GIPC2: variants seen among roughly 807,000 people sequenced by gnomAD.
The protein encoded by GIPC2 is PDZ domain-containing protein GIPC2.
Under a neutral mutation model 30.6 loss-of-function variants are expected in GIPC2, and 30 were observed. The observed-to-expected ratio is 0.98, with a 90% CI of 0.73 to 1.33. GIPC2 has a LOEUF of 1.33. Ranked by LOEUF, GIPC2 falls within the 40% of genes most tolerant of loss-of-function variation. The pLI, the probability that GIPC2 is intolerant of heterozygous loss-of-function variation, is 0.00. For missense variants in GIPC2, 414 were observed against 390.3 expected, an observed-to-expected ratio of 1.06 and a Z score of -0.51; for synonymous variants, 167 against 150.0, an observed-to-expected ratio of 1.11 and a Z score of -0.83.
chr1:78,083,488 C>T (rs776100721), intron 2 of GIPC2, among the ~76,000 whole-genome samples: 4 of 152,072 alleles, frequency 2.6e-5, no homozygotes, highest in African/African-American at 4.8e-5. Flanking sequence ...CTTTGTGATA[C>T]GTAATTGTGG....
At chr1:78,111,181 T>C (rs1662458734) in intron 3 of GIPC2, among the ~76,000 whole-genome samples, 1 of 152,190 alleles carries the variant, frequency 6.6e-6, no homozygotes, top group African/African-American at 2.4e-5. Flanking sequence ...TGTTTACTTT[T>C]CTGGGATGGA....
chr1:78,053,820 T>C (rs74846481), intron 1 of GIPC2, among the ~76,000 whole-genome samples: 2,652 of 149,380 alleles, frequency 0.018, 62 homozygotes, highest in South Asian at 0.11. Context: ...AGTCCCAGTA[T>C]TCAGGAGGCT....
chr1:78,132,532 G>T (rs991365175), intron 5 of GIPC2, among the ~76,000 whole-genome samples: 2 of 152,136 alleles, frequency 1.3e-5, no homozygotes, highest in Admixed American at 6.5e-5. Flanking sequence ...AGCAGACATT[G>T]CAAGTCAGTG....
At chr1:78,074,992 T>C (rs1203780845) in intron 1 of GIPC2, among the ~76,000 whole-genome samples, 1 of 152,224 alleles carries the variant, frequency 6.6e-6, no homozygotes, top group Non-Finnish European at 1.5e-5. Flanking sequence ...AGGAACCTTT[T>C]AGTTGAAAGT....
intron 3 of GIPC2, among the ~76,000 whole-genome samples, chr1:78,116,600 G>A (rs1557548161): frequency 1.3e-5 from 2 of 151,714 alleles, no homozygotes; most frequent in East Asian, 3.9e-4. Context: ...ATGAGAACAT[G>A]CAGTGTTTGG....
chr1:78,071,309 A>G (rs921298566), intron 1 of GIPC2, among the ~76,000 whole-genome samples: 2 of 152,232 alleles, frequency 1.3e-5, no homozygotes, highest in African/African-American at 4.8e-5. Flanking sequence ...AAATTAAATA[A>G]TGTTATTGCT....
chr1:78,114,077 C>T (rs2100417509), intron 3 of GIPC2, among the ~76,000 whole-genome samples: 1 of 152,336 alleles, frequency 6.6e-6, no homozygotes, highest in South Asian at 2.1e-4. Context: ...TGCAACTCCA[C>T]TGTGGGAGCG....
At chr1:78,047,566 T>G (rs1188905647) in intron 1 of GIPC2, among the ~76,000 whole-genome samples, 1 of 152,192 alleles carries the variant, frequency 6.6e-6, no homozygotes, top group Non-Finnish European at 1.5e-5. Flanking sequence ...CACTTTCCTT[T>G]GATCTCTAGG....
intron 2 of GIPC2, among the ~76,000 whole-genome samples, chr1:78,082,205 C>G (rs955677281): frequency 6.6e-6 from 1 of 152,132 alleles, no homozygotes; most frequent in Non-Finnish European, 1.5e-5. Flanking sequence ...TACAGCTGGA[C>G]ACATTCAGGA....
chr1:78,106,686 A>G (rs1171442344), intron 3 of GIPC2, among the ~76,000 whole-genome samples: 1 of 152,110 alleles, frequency 6.6e-6, no homozygotes, highest in Non-Finnish European at 1.5e-5. Flanking sequence ...AATTTTATTT[A>G]TTTATTTATT....
At chr1:78,067,515 G>T (rs1457065740) in intron 1 of GIPC2, among the ~76,000 whole-genome samples, 4 of 151,806 alleles carry the variant, frequency 2.6e-5, no homozygotes, top group Non-Finnish European at 4.4e-5. Flanking sequence ...GTAGTGTCGT[G>T]GTCTCAGCTC....
At chr1:78,045,013 AG>A, upstream of GIPC2, 2 of 787,162 alleles carry the variant, frequency 2.5e-6, no homozygotes, top group Non-Finnish European at 3.1e-6. Flanking sequence ...AGCAAGGAGC[AG>A]GGTGGGGACG....
chr1:78,067,815 C>T (rs1661547955), intron 1 of GIPC2, among the ~76,000 whole-genome samples: 1 of 152,116 alleles, frequency 6.6e-6, no homozygotes, highest in Non-Finnish European at 1.5e-5. Context: ...CACCCTTTGC[C>T]TACATCCAGA....
At chr1:78,129,381 T>G (rs927843768) in intron 5 of GIPC2, among the ~76,000 whole-genome samples, 1 of 152,250 alleles carries the variant, frequency 6.6e-6, no homozygotes, top group African/African-American at 2.4e-5. Context: ...TTCTCAGTAT[T>G]TCTTAGCTTT....
chr1:78,121,304 G>A (rs1235313394), intron 4 of GIPC2, among the ~76,000 whole-genome samples: 1 of 152,204 alleles, frequency 6.6e-6, no homozygotes, highest in Non-Finnish European at 1.5e-5. Context: ...GCAGGTGACT[G>A]ATGCCTGTGA....
chr1:78,135,798 T>A lies in GIPC2; in HGVS notation c.*55T>A, dbSNP rs28463406. The A allele has an allele frequency of 9.0e-6, 13 of 1,446,894 alleles. No individual in the cohort carries two copies. Among genetic ancestry groups the A allele is most frequent in the African/African-American group, 5.7e-5 (4 of 70,156 alleles). The allele number at this position is 1,446,894 out of a possible 1,614,324, so 89.6% of individuals were successfully genotyped here. ...CCATCGTTCTTTTTTTTCTCTTTTT[T>A]AAAAAGTCCTATAAGATCTGTTTTT... On this transcript the variant is annotated 3_prime_UTR_variant, in exon 6 of 6. Transcript: ENST00000370759.
Position 78,120,768 on chromosome 1 carries a change from G to A in GIPC2, c.714+1269G>A, listed in dbSNP as rs184274944. On this transcript the variant is annotated intron_variant, in intron 4 of 5. Coordinates refer to ENST00000370759, the MANE Select transcript of GIPC2 (RefSeq NM_017655.6). Reference sequence around the variant, plus strand: ...ACTTATTCACTATCATGAGAACAACGGCATGGGAAAAACCTGCCGCCATGA... The same window carrying A: ...ACTTATTCACTATCATGAGAACAACAGCATGGGAAAAACCTGCCGCCATGA... 4.8e-3 allele frequency among the ~76,000 whole-genome samples: 737 copies of A among 152,160 alleles called. 7 individuals carry two copies. Among genetic ancestry groups the A allele is most frequent in the African/African-American group, 0.017 (700 of 41,506 alleles).
At chr1:78,104,020 G>A (rs1298604714) in intron 3 of GIPC2, among the ~76,000 whole-genome samples, 1 of 152,072 alleles carries the variant, frequency 6.6e-6, no homozygotes, top group African/African-American at 2.4e-5. Context: ...GCCTGTGAGT[G>A]CACACACTGA....
chr1:78,072,919 C>G (rs1050482545), intron 1 of GIPC2, among the ~76,000 whole-genome samples: 5 of 151,772 alleles, frequency 3.3e-5, no homozygotes, highest in African/African-American at 1.2e-4. Context: ...ATTCTCCTGT[C>G]TCAGCCTCCC....
Sources: allele counts gnomAD v4.1 joint callset (sites outside exome capture counted in the v4.1 genomes callset), GRCh38; gene constraint gnomAD v4.1.1; transcripts MANE v1.5; gene names NCBI Gene and HGNC (gene_info 2026-07-23, HGNC 2026-07-21).